Variants in AFG2A observed in about 807,000 individuals in gnomAD.
AFG2A encodes AAA ATPase AFG2A, also known as ATPase family gene 2 protein homolog A.
chr4:123,088,924 A>G, the AFG2A span, among the ~76,000 whole-genome samples: 1 of 152,176 alleles, frequency 6.6e-6, no homozygotes, highest in Admixed American at 6.5e-5. Context: ...TATAGAATCC[A>G]TTTGTTTATA....
the AFG2A span, among the ~76,000 whole-genome samples, chr4:122,987,441 G>C: frequency 6.6e-6 from 1 of 151,974 alleles, no homozygotes; most frequent in Non-Finnish European, 1.5e-5. Context: ...TGATAGGTAA[G>C]GGCTTACTAG....
the AFG2A span, among the ~76,000 whole-genome samples, chr4:122,953,894 C>A: frequency 6.6e-6 from 1 of 152,302 alleles, no homozygotes; most frequent in African/African-American, 2.4e-5. Context: ...GGCTGTCCTA[C>A]TAGGGGGCTC....
the AFG2A span, among the ~76,000 whole-genome samples, chr4:123,088,510 G>C: frequency 3.3e-5 from 5 of 152,156 alleles, no homozygotes; most frequent in Admixed American, 3.3e-4. Context: ...ATATTATGGA[G>C]AATCTTTTGA....
chr4:122,982,131 G>A, the AFG2A span, among the ~76,000 whole-genome samples: 6 of 152,114 alleles, frequency 3.9e-5, no homozygotes, highest in Non-Finnish European at 7.4e-5. Context: ...GATGTTAGCC[G>A]TGAGCTTGTC....
At chr4:123,251,271 A>T in the AFG2A span, among the ~76,000 whole-genome samples, 1 of 152,148 alleles carries the variant, frequency 6.6e-6, no homozygotes, top group African/African-American at 2.4e-5. Context: ...TAAAAAAATA[A>T]CCAAGCTCTC....
At chr4:122,934,705 C>A in the AFG2A span, 1 of 1,593,026 alleles carries the variant, frequency 6.3e-7, no homozygotes, top group South Asian at 1.2e-5. Flanking sequence ...AATTGAATTG[C>A]CCCTCAAACA....
At chr4:123,022,010 T>G in the AFG2A span, among the ~76,000 whole-genome samples, 71 of 151,240 alleles carry the variant, frequency 4.7e-4, 2 homozygotes, top group East Asian at 5.6e-3. Flanking sequence ...CTGGATCCCT[T>G]CCTTACGCCT....
At chr4:123,222,012 G>A in the AFG2A span, among the ~76,000 whole-genome samples, 1 of 151,872 alleles carries the variant, frequency 6.6e-6, no homozygotes, top group Non-Finnish European at 1.5e-5. Context: ...GTTTTTCATT[G>A]TCCGTTTAAA....
the AFG2A span, among the ~76,000 whole-genome samples, chr4:123,220,023 C>G: frequency 1.3e-5 from 2 of 152,056 alleles, no homozygotes; most frequent in Non-Finnish European, 2.9e-5. Flanking sequence ...GCACATGCCA[C>G]CATGCCCAGC....
At chr4:123,235,729 C>T in the AFG2A span, among the ~76,000 whole-genome samples, 5 of 152,154 alleles carry the variant, frequency 3.3e-5, no homozygotes, top group Non-Finnish European at 5.9e-5. Flanking sequence ...CTGCTGTTCT[C>T]AGTGCCCAGG....
chr4:123,129,786 C>T, the AFG2A span, among the ~76,000 whole-genome samples: 15,619 of 152,194 alleles, frequency 0.1, 908 homozygotes, highest in Middle Eastern at 0.2. Context: ...TAATTCAGCT[C>T]AGATCTTTGC....
chr4:123,071,493 A>G, the AFG2A span, among the ~76,000 whole-genome samples: 1 of 152,170 alleles, frequency 6.6e-6, no homozygotes, highest in Admixed American at 6.5e-5. Flanking sequence ...TCCAAAAAAA[A>G]AAAAAAAGAA....
chr4:123,003,311 A>T, the AFG2A span, among the ~76,000 whole-genome samples: 4 of 152,204 alleles, frequency 2.6e-5, no homozygotes, highest in Admixed American at 2.6e-4. Flanking sequence ...AACTCGTCAA[A>T]GTCATTCTCC....
At chr4:122,973,934 T>C in the AFG2A span, among the ~76,000 whole-genome samples, 1 of 152,184 alleles carries the variant, frequency 6.6e-6, no homozygotes, top group African/African-American at 2.4e-5. Context: ...CGTCTCAGCC[T>C]CCCAAAGTGT....
the AFG2A span, chr4:122,929,122 G>A: frequency 1.9e-6 from 3 of 1,613,642 alleles, no homozygotes; most frequent in Non-Finnish European, 2.5e-6. Flanking sequence ...GTGGGTGTGA[G>A]GCCTGGTGAT....
the AFG2A span, chr4:122,933,626 T>C: frequency 3.0e-6 from 2 of 677,782 alleles, no homozygotes; most frequent in Non-Finnish European, 4.9e-6. Context: ...TTCCCCTCAA[T>C]GAATGAATAT....
the AFG2A span, among the ~76,000 whole-genome samples, chr4:123,306,066 T>C: frequency 1.3e-5 from 2 of 152,236 alleles, no homozygotes; most frequent in African/African-American, 4.8e-5. Context: ...ATATTGTTGT[T>C]ATAAAGGAAC....
chr4:123,152,278 G>A, the AFG2A span, among the ~76,000 whole-genome samples: 8 of 152,088 alleles, frequency 5.3e-5, no homozygotes, highest in African/African-American at 1.7e-4. Flanking sequence ...TTCTGCACAC[G>A]TATCCCAGAA....
At chr4:122,975,144 C>G in the AFG2A span, among the ~76,000 whole-genome samples, 6 of 152,138 alleles carry the variant, frequency 3.9e-5, no homozygotes, top group Non-Finnish European at 5.9e-5. Context: ...TTATTTCTCA[C>G]AGTTCTGGAG....
Sources: allele counts gnomAD v4.1 joint callset (sites outside exome capture counted in the v4.1 genomes callset), GRCh38; gene constraint gnomAD v4.1.1; transcripts MANE v1.5; gene names NCBI Gene and HGNC (gene_info 2026-07-23, HGNC 2026-07-21).